DYNC2LI1: variants seen among roughly 807,000 people sequenced by gnomAD.
The protein encoded by DYNC2LI1 is cytoplasmic dynein 2 light intermediate chain 1.
In DYNC2LI1, 45 loss-of-function variants were observed where a neutral mutation model predicts 51.9. The ratio of observed to expected loss-of-function variants is 0.87; its 90% confidence interval spans 0.68 to 1.11. The LOEUF is 1.11. Ranked by LOEUF, DYNC2LI1 falls within the 50% of genes most tolerant of loss-of-function variation. The pLI, the probability that DYNC2LI1 is intolerant of heterozygous loss-of-function variation, is 0.00. For synonymous variants in DYNC2LI1, 130 were observed against 137.8 expected, an observed-to-expected ratio of 0.94 and a Z score of 0.40; for missense variants, 490 against 417.4, an observed-to-expected ratio of 1.17 and a Z score of -1.51.
At chr2:43,824,598 A>G in the DYNC2LI1 span, 1 of 985,480 alleles carries the variant, frequency 1.0e-6, no homozygotes, top group Non-Finnish European at 1.2e-6. Flanking sequence ...GCATCCCAGC[A>G]GGGCCTTGAG....
intron 7 of DYNC2LI1, among the ~76,000 whole-genome samples, chr2:43,796,329 G>T (rs1413113632): frequency 3.0e-5 from 4 of 134,150 alleles, no homozygotes; most frequent in Non-Finnish European, 6.1e-5. Flanking sequence ...TGAGACACTT[G>T]TCTCAAAAAA....
chr2:43,813,184 A>T (rs780262808), downstream of DYNC2LI1: 14 of 1,567,764 alleles, frequency 8.9e-6, no homozygotes, highest in Admixed American at 6.7e-5. Flanking sequence ...GCTGGAATAA[A>T]TGAATACAAA....
intron 5 of DYNC2LI1, among the ~76,000 whole-genome samples, chr2:43,790,733 C>T (rs1011316234): frequency 3.9e-5 from 6 of 152,068 alleles, no homozygotes; most frequent in South Asian, 2.1e-4. Context: ...AAATAGACTT[C>T]GTACAGGTTT....
At chr2:43,815,320 C>G in the DYNC2LI1 span, among the ~76,000 whole-genome samples, 98 of 152,334 alleles carry the variant, frequency 6.4e-4, no homozygotes, top group Non-Finnish European at 1.0e-3. Context: ...TTGCAAGGCA[C>G]TAGTTCTAGG....
the DYNC2LI1 span, chr2:43,822,902 C>G: frequency 1.9e-5 from 30 of 1,613,998 alleles, no homozygotes; most frequent in Admixed American, 2.0e-4. Context: ...GCCGTCCTGA[C>G]TCTCCTGGTC....
chr2:43,792,585 C>T, intron 5 of DYNC2LI1: 1 of 1,319,076 alleles, frequency 7.6e-7, no homozygotes, highest in Non-Finnish European at 1.0e-6. Flanking sequence ...CAAGTATATT[C>T]TCATCACCAT....
chr2:43,808,201 G>C (rs896414131), intron 12 of DYNC2LI1, among the ~76,000 whole-genome samples: 7 of 151,396 alleles, frequency 4.6e-5, no homozygotes, highest in Admixed American at 4.6e-4. Context: ...AAAACAAGCT[G>C]TAAAGACTAC....
the DYNC2LI1 span, chr2:43,822,993 G>A: frequency 1.2e-5 from 20 of 1,601,526 alleles, no homozygotes; most frequent in Admixed American, 3.4e-4. Flanking sequence ...AAAAAGGGAG[G>A]GCTAGCCCAA....
chr2:43,822,707 A>T, the DYNC2LI1 span: 42 of 1,543,678 alleles, frequency 2.7e-5, no homozygotes, highest in Non-Finnish European at 3.6e-5. Context: ...CAGAGCAGAG[A>T]ACTTCACCCT....
rs371605619 is a variant in DYNC2LI1, at chr2:43,795,877, T to C, written c.508-13T>C. The C allele has an allele frequency of 4.4e-6, 7 of 1,603,758 alleles. No homozygotes were observed. In the African/African-American group the frequency reaches 5.4e-5, roughly 12 times the overall value. On this transcript the variant is annotated splice_polypyrimidine_tract_variant and intron_variant, in intron 6 of 12. Coordinates refer to ENST00000260605, the MANE Select transcript of DYNC2LI1 (RefSeq NM_016008.4). ...AGAATTACAACAACTCAAGGAAATA[T>C]GTTTATTAGCAGGATCATGAATTAA...
In DYNC2LI1 at chr2:43,794,579, CA is replaced by C. The variant is rs1673947829; in HGVS notation, c.446del (p.Asn149MetfsTer8). On this transcript the variant is annotated frameshift_variant, in exon 6 of 13. Transcript: ENST00000260605. LOFTEE classifies it high-confidence loss of function. ...VDKVIMKLGK[T>X]NAKAVSEMRQ... ...AAAGTGATAATGAAACTGGGAAAGACAAATGCTAAAGCAGTTTCTGAAATGA... is the reference window on the plus strand; with the variant it reads ...AAAGTGATAATGAAACTGGGAAAGACAATGCTAAAGCAGTTTCTGAAATGA... 6.2e-7 allele frequency: 1 copy of C among 1,614,026 alleles called. No individual in the cohort carries two copies. Among genetic ancestry groups the C allele is most frequent in the East Asian group, 2.2e-5 (1 of 44,844 alleles).
chr2:43,819,945 G>T, the DYNC2LI1 span: 2 of 1,613,930 alleles, frequency 1.2e-6, no homozygotes, highest in South Asian at 1.1e-5. Context: ...AAGCACCCCC[G>T]CAATGGACAG....
At position 43,805,255 on chromosome 2, in the gene DYNC2LI1, C is replaced by T. The variant is rs1666208577; in HGVS notation, c.993+9C>T. 4 of 1,555,284 alleles carry T rather than the reference C, an allele frequency of 2.6e-6. No homozygotes were observed. Among genetic ancestry groups the T allele is most frequent in the Non-Finnish European group, 3.5e-6 (4 of 1,132,350 alleles). On this transcript the variant is annotated intron_variant, in intron 12 of 12. Coordinates refer to ENST00000260605, the MANE Select transcript of DYNC2LI1 (RefSeq NM_016008.4). ...GAATTCAGAAGGATCTGGTATTATC[C>T]TAAACATTTACTTAATTTCATCTGA...
chr2:43,824,949 C>A, the DYNC2LI1 span: 2 of 1,613,944 alleles, frequency 1.2e-6, no homozygotes, highest in Non-Finnish European at 1.7e-6. Flanking sequence ...TTGAAGAAAT[C>A]AAGCATTTCC....
the DYNC2LI1 span, among the ~76,000 whole-genome samples, chr2:43,825,990 G>A: frequency 6.7e-6 from 1 of 149,152 alleles, no homozygotes; most frequent in Non-Finnish European, 1.5e-5. Context: ...TTGTTTGTTT[G>A]TTTGAGATGA....
At chr2:43,806,034 C>T (rs570091597) in intron 12 of DYNC2LI1, among the ~76,000 whole-genome samples, 2 of 152,136 alleles carry the variant, frequency 1.3e-5, no homozygotes, top group Admixed American at 6.5e-5. Flanking sequence ...GTGCCTGCCA[C>T]CACACCTGGC....
intron 10 of DYNC2LI1, among the ~76,000 whole-genome samples, chr2:43,803,142 A>G (rs1445106351): frequency 6.6e-6 from 1 of 152,208 alleles, no homozygotes; most frequent in Admixed American, 6.5e-5. Flanking sequence ...TGCAACTACC[A>G]TATGACCTAG....
At chr2:43,800,327 A>T (rs1332493035) in intron 8 of DYNC2LI1, among the ~76,000 whole-genome samples, 1 of 152,188 alleles carries the variant, frequency 6.6e-6, no homozygotes, top group Non-Finnish European at 1.5e-5. Context: ...AAAAGAAGTT[A>T]AAAAATTACC....
At chr2:43,820,482 C>T in the DYNC2LI1 span, among the ~76,000 whole-genome samples, 8 of 152,258 alleles carry the variant, frequency 5.3e-5, no homozygotes, top group East Asian at 1.4e-3. Flanking sequence ...TGTTAAAGGG[C>T]TCACCCAACC....
Sources: allele counts gnomAD v4.1 joint callset (sites outside exome capture counted in the v4.1 genomes callset), GRCh38; gene constraint gnomAD v4.1.1; transcripts MANE v1.5; gene names NCBI Gene and HGNC (gene_info 2026-07-23, HGNC 2026-07-21).